The following CPOX variants were observed in gnomAD, a reference collection of about 807,000 sequenced individuals.
CPOX encodes oxygen-dependent coproporphyrinogen-III oxidase, mitochondrial.
Under a neutral mutation model 48.9 loss-of-function variants are expected in CPOX, and 24 were observed. That is an observed-to-expected ratio of 0.49 (90% CI 0.36 to 0.69). The LOEUF is 0.69. CPOX is among the 30% of genes least tolerant of loss of function. CPOX has a pLI of 0.00. For missense variants in CPOX, 549 were observed against 597.3 expected (o/e 0.92, Z 0.84); for synonymous variants, 249 against 234.6 (o/e 1.06, Z -0.56).
rs201071538 is a variant in CPOX at position 98,585,585 on chromosome 3, T to A, written c.1028A>T (p.Asp343Val). Residue 343 changes from aspartate (D) to valine (V), a missense_variant, in exon 5 of 7, where the codon GAC becomes GTC. Around this residue, in one of 2 missense-constraint regions of CPOX, gnomAD observed 213 missense variants for 279.1 expected, o/e 0.76. Coordinates refer to ENST00000647941, the MANE Select transcript of CPOX (RefSeq NM_000097.7). The part of the protein sequence containing the change: ...GIGGIFFDDL[D>V]SPSKEEVFRF... ...AAACACCTCCTCCTTGGACGGAGAG[T>A]CAAGATCATCAAAAAAGATACCACC... is the stretch of plus-strand genomic sequence containing the variant. 49 of 1,613,610 alleles carry A rather than the reference T, an allele frequency of 3.0e-5. No individual in the cohort carries two copies. The East Asian group carries it at 1.1e-3, about 35-fold the overall frequency.
downstream of CPOX, among the ~76,000 whole-genome samples, chr3:98,575,341 G>A (rs1362996815): frequency 1.3e-5 from 2 of 152,164 alleles, no homozygotes; most frequent in African/African-American, 2.4e-5. Flanking sequence ...ATGTTCAAAC[G>A]CATTTTGAAA....
Position 98,593,230 on chromosome 3 carries a change from G to A in CPOX, c.275C>T (p.Ala92Val), listed in dbSNP as rs779120114. The A allele has an allele frequency of 1.3e-6, 2 of 1,554,402 alleles. No individual in the cohort carries two copies. Among genetic ancestry groups the A allele is most frequent in the East Asian group, 4.6e-5 (2 of 43,842 alleles). The change falls in exon 1 of 7, where the codon GCC (alanine) becomes GTC (valine). Residue 92 changes from alanine to valine, a missense_variant. Coordinates refer to ENST00000647941, the MANE Select transcript of CPOX (RefSeq NM_000097.7). ...CTCCGCCCGCTGCACATGCCCGAAG[G>A]CGGCGGTGGCCAGCCCCACCAACCC... ...LAGLVGLATA[A>V]FGHVQRAEML... is the part of the protein sequence containing the mutation.
At chr3:98,583,011 T>A (rs1425142762) in intron 5 of CPOX, among the ~76,000 whole-genome samples, 1 of 152,214 alleles carries the variant, frequency 6.6e-6, no homozygotes, top group Non-Finnish European at 1.5e-5. Context: ...AATAATTTCA[T>A]CTTTTGGCTA....
chr3:98,575,514 C>A (rs1483389848), downstream of CPOX, among the ~76,000 whole-genome samples: 3 of 152,174 alleles, frequency 2.0e-5, no homozygotes, highest in Non-Finnish European at 4.4e-5. Flanking sequence ...ACTTGTAGGC[C>A]GGGCACCGTG....
At position 98,582,388 on chromosome 3, in the gene CPOX, C is replaced by T. The variant is rs1055443135; in HGVS notation, c.1173-877G>A. Among the ~76,000 whole-genome samples, 6 of 152,110 alleles carry T rather than the reference C, an allele frequency of 3.9e-5. No individual in the cohort carries two copies. The South Asian group carries it at 8.3e-4, about 21-fold the overall frequency. On this transcript the variant is annotated intron_variant, in intron 5 of 6. Transcript: ENST00000647941. ...TTCTTATCTTATTCAGAAATTACTCCCTTGGTCTAAACTTCACTCACATAT... is the reference window on the plus strand; with the variant it reads ...TTCTTATCTTATTCAGAAATTACTCTCTTGGTCTAAACTTCACTCACATAT...
rs180884966 is a variant in CPOX at position 98,586,093 on chromosome 3, C to T, written c.954-434G>A. On this transcript the variant is annotated intron_variant, in intron 4 of 6. Transcript: ENST00000647941. The stretch of plus-strand genomic sequence containing the variant: ...TTCACTGTGTTAACCAGGGTGGTCT[C>T]GATCTCCTGACCTCGTGATCTGCCT... 5.3e-5 allele frequency among the ~76,000 whole-genome samples: 8 copies of T among 152,114 alleles called. No homozygotes were observed. The East Asian group carries it at 1.4e-3, about 26-fold the overall frequency.
rs186272091 is a variant in CPOX at position 98,586,923 on chromosome 3, G to A, written c.954-1264C>T. Among the ~76,000 whole-genome samples the A allele has an allele frequency of 1.2e-4, 18 of 152,094 alleles. No homozygotes were observed. The East Asian group carries it at 2.3e-3, about 20-fold the overall frequency. On this transcript the variant is annotated intron_variant, in intron 4 of 6. Coordinates refer to ENST00000647941, the MANE Select transcript of CPOX (RefSeq NM_000097.7). ...CGCACCACTGCACTCCAGCCTGGGC[G>A]ACAGAGTGAGACTCCATCTCAAAAA...
At position 98,593,384 on chromosome 3, in the gene CPOX, G is replaced by C; in HGVS notation, c.121C>G (p.Arg41Gly). The change falls in exon 1 of 7, where the codon CGC becomes GGC. Residue 41 changes from arginine (R) to glycine (G), a missense_variant. Physicochemically the swap from Arg to Gly is moderately radical, Grantham distance 125. Transcript: ENST00000647941. ...CGGCAGACGCGTCCGGCTGCGCTGC[G>C]CTGGGACCAGGCTCGGAGCCCTCCG... ...GGGGLRAWSQ[R>G]SAAGRVCRPP... 4 of 1,378,346 alleles carry C rather than the reference G, an allele frequency of 2.9e-6. No homozygotes were observed. The highest frequency in any genetic ancestry group is 1.9e-6 in the Non-Finnish European group (2 of 1,077,034). The allele number at this position is 1,378,346 out of a possible 1,614,324, so 85.4% of individuals were successfully genotyped here. A position where few individuals can be genotyped will look rare whatever the true frequency, so the allele number is the denominator to read the frequency against.
chr3:98,591,175 A>C lies in CPOX; in HGVS notation c.557-20T>G, dbSNP rs556309775. 3.7e-6 allele frequency: 6 copies of C among 1,614,128 alleles called. No individual in the cohort carries two copies. Among genetic ancestry groups the C allele is most frequent in the Middle Eastern group, 3.3e-4 (2 of 6,062 alleles). Reference sequence around the variant, plus strand: ...CACCTCCTGTGTATAGAAATGTAAAAAAGGAGAGAATGTAAGAGTATGTGC... The same window carrying C: ...CACCTCCTGTGTATAGAAATGTAAACAAGGAGAGAATGTAAGAGTATGTGC... On this transcript the variant is annotated intron_variant, in intron 1 of 6. Coordinates refer to ENST00000647941, the MANE Select transcript of CPOX (RefSeq NM_000097.7).
At chr3:98,581,346 T>G in intron 6 of CPOX, 61 bp downstream of exon 6, 4 of 1,183,836 alleles carry the variant, frequency 3.4e-6, no homozygotes, top group Non-Finnish European at 5.1e-6. Context: ...ACTTTCATAT[T>G]TTGTGGGTGT....
rs1314634081 is a variant in CPOX at position 98,579,566 on chromosome 3, T to C, written c.*1117A>G. 1 of 984,622 alleles carries C rather than the reference T, an allele frequency of 1.0e-6. No individual in the cohort carries two copies. Among genetic ancestry groups the C allele is most frequent in the East Asian group, 1.1e-4 (1 of 8,838 alleles). The allele number at this position is 984,622 out of a possible 1,614,324, so 61.0% of individuals were successfully genotyped here. ...CACAAACATTCAACGTGTTCCACGA[T>C]AATGATATGTATGAGATGCTCTTCC... On this transcript the variant is annotated 3_prime_UTR_variant, in exon 7 of 7. Transcript: ENST00000647941.
At chr3:98,573,555 TCTC>T in the CPOX span, among the ~76,000 whole-genome samples, 1 of 136,748 alleles carries the variant, frequency 7.3e-6, no homozygotes, top group Non-Finnish European at 1.6e-5. Flanking sequence ...TTCTTTACTT[TCTC>T]CTCCTCCACT....
chr3:98,585,223 G>A (rs1707338324), intron 5 of CPOX, among the ~76,000 whole-genome samples: 2 of 152,262 alleles, frequency 1.3e-5, no homozygotes, highest in African/African-American at 4.8e-5. Flanking sequence ...CTTACTACAT[G>A]CCTACTATGA....
At chr3:98,586,621 T>A (rs1249148115) in intron 4 of CPOX, among the ~76,000 whole-genome samples, 1 of 152,206 alleles carries the variant, frequency 6.6e-6, no homozygotes, top group Non-Finnish European at 1.5e-5. Context: ...TCTTTTCCCC[T>A]CTATGACTAC....
Position 98,581,517 on chromosome 3 carries a change from A to G in CPOX, c.1173-6T>C. 6.2e-7 allele frequency: 1 copy of G among 1,601,762 alleles called. No homozygotes were observed. The highest frequency in any genetic ancestry group is 8.6e-7 in the Non-Finnish European group (1 of 1,168,824). On this transcript the variant is annotated splice_region_variant and splice_polypyrimidine_tract_variant and intron_variant, in intron 5 of 6. Coordinates refer to ENST00000647941, the MANE Select transcript of CPOX (RefSeq NM_000097.7). The stretch of plus-strand genomic sequence containing the variant: ...GCAGATTAAATTCTACATACCTGCC[A>G]TAAATACATCAAATAACATTAAGGG...
At chr3:98,588,976 A>AT (rs1217407516) in intron 3 of CPOX, 122 bp from the exon 4 acceptor site, 1 of 1,118,560 alleles carries the variant, frequency 8.9e-7, no homozygotes. Flanking sequence ...AATAAAAAAA[A>AT]TTTTAACTGA....
chr3:98,583,536 G>C (rs936676672), intron 5 of CPOX, among the ~76,000 whole-genome samples: 1 of 151,964 alleles, frequency 6.6e-6, no homozygotes, highest in African/African-American at 2.4e-5. Flanking sequence ...ATTTTATCCT[G>C]TTTCCCTTTC....
intron 5 of CPOX, among the ~76,000 whole-genome samples, chr3:98,581,718 A>C (rs959827438): frequency 6.6e-6 from 1 of 152,200 alleles, no homozygotes; most frequent in Non-Finnish European, 1.5e-5. Context: ...AAACAATAGA[A>C]TATAGATTCT....
chr3:98,582,147 T>A (rs1354203826), intron 5 of CPOX, among the ~76,000 whole-genome samples: 2 of 152,240 alleles, frequency 1.3e-5, no homozygotes, highest in Admixed American at 1.3e-4. Flanking sequence ...ATTTTTTTTT[T>A]AAATACCCTT....
Sources: gnomAD v4.1 joint callset for allele counts (sites outside exome capture counted in the v4.1 genomes callset) on GRCh38, gnomAD v4.1.1 for gene constraint, gnomAD v4.1.1 regional missense constraint, MANE v1.5 for transcripts, NCBI Gene and HGNC (gene_info 2026-07-23, HGNC 2026-07-21) for gene names.